The following TENM4 variants were observed in gnomAD, a reference collection of about 807,000 sequenced individuals.
TENM4 encodes teneurin transmembrane protein 4, also known as teneurin-4.
A neutral mutation model predicts 243.3 loss-of-function variants in TENM4; 82 were observed. That is an observed-to-expected ratio of 0.34 (90% confidence interval 0.28 to 0.40). The LOEUF (loss-of-function observed/expected upper bound fraction) is 0.40. TENM4 is among the 10% of genes least tolerant of loss of function. The pLI, the probability that TENM4 is intolerant of heterozygous loss-of-function variation, is 1.00. For missense variants in TENM4, 3,138 were observed against 3,673.3 expected, an observed-to-expected ratio of 0.85 and a Z score of 3.77; for synonymous variants, 1,412 against 1,456.3, an observed-to-expected ratio of 0.97 and a Z score of 0.69.
chr11:79,262,057 C>T (rs1855807635), intron 2 of TENM4, among the ~76,000 whole-genome samples: 1 of 152,154 alleles, frequency 6.6e-6, no homozygotes, highest in African/African-American at 2.4e-5. Flanking sequence ...AGATGGAAGA[C>T]AAAAGCCTCA....
intron 29 of TENM4, among the ~76,000 whole-genome samples, chr11:78,684,648 A>T (rs1232183555): frequency 6.6e-6 from 1 of 152,172 alleles, no homozygotes; most frequent in Middle Eastern, 3.2e-3. Flanking sequence ...GGTTCTATAG[A>T]GCCTGTTTGC....
chr11:78,730,553 A>G (rs977730510), intron 21 of TENM4, among the ~76,000 whole-genome samples: 1 of 152,178 alleles, frequency 6.6e-6, no homozygotes, highest in Non-Finnish European at 1.5e-5. Flanking sequence ...CGCTCAGGTC[A>G]CTTAGCTACT....
chr11:79,281,910 T>C (rs1329970245), intron 2 of TENM4, among the ~76,000 whole-genome samples: 1 of 152,240 alleles, frequency 6.6e-6, no homozygotes, highest in Non-Finnish European at 1.5e-5. Flanking sequence ...CTTGTGAATG[T>C]CTCTGAATGT....
chr11:79,419,466 A>C (rs1858885566), intron 1 of TENM4, among the ~76,000 whole-genome samples: 1 of 152,184 alleles, frequency 6.6e-6, no homozygotes, highest in African/African-American at 2.4e-5. Context: ...TCAGAAGGTA[A>C]CTGGGTGGCT....
At chr11:78,674,129 G>A (rs1264458254) in intron 30 of TENM4, among the ~76,000 whole-genome samples, 1 of 152,232 alleles carries the variant, frequency 6.6e-6, no homozygotes, top group Non-Finnish European at 1.5e-5. Context: ...AGGATCTCTA[G>A]TGAAGGGGAG....
chr11:79,066,594 GCA>G (rs969023919), intron 5 of TENM4, among the ~76,000 whole-genome samples: 5 of 151,434 alleles, frequency 3.3e-5, no homozygotes, highest in African/African-American at 9.7e-5. Flanking sequence ...ATGCACACAA[GCA>G]CACACGCGCG....
intron 3 of TENM4, among the ~76,000 whole-genome samples, chr11:79,165,270 G>A (rs937144604): frequency 1.4e-4 from 21 of 152,078 alleles, no homozygotes; most frequent in African/African-American, 5.1e-4. Context: ...CAGCATAAAA[G>A]TGTTCCCTTT....
At chr11:78,787,292 T>C (rs1378903668) in intron 15 of TENM4, among the ~76,000 whole-genome samples, 1 of 152,136 alleles carries the variant, frequency 6.6e-6, no homozygotes, top group African/African-American at 2.4e-5. Flanking sequence ...ACAATGACCC[T>C]CAGATGAGAA....
intron 14 of TENM4, among the ~76,000 whole-genome samples, chr11:78,810,824 G>C (rs1446951635): frequency 6.6e-6 from 1 of 152,192 alleles, no homozygotes; most frequent in Non-Finnish European, 1.5e-5. Flanking sequence ...AAATGGTTTA[G>C]AAGATCAGCT....
At position 78,727,413 on chromosome 11, in the gene TENM4, C is replaced by T. The variant is rs1005418818; in HGVS notation, c.3407-1191G>A. 7.1e-4 allele frequency among the ~76,000 whole-genome samples: 104 copies of T among 146,216 alleles called. 1 individual carries two copies. The highest frequency in any genetic ancestry group is 1.1e-3 in the South Asian group (5 of 4,694). ...AGTGAGCCACTGCATTCCATCCTGACGACAGAGCGAGACTCCGCCTCAAAA... is the reference window on the plus strand; with the variant it reads ...AGTGAGCCACTGCATTCCATCCTGATGACAGAGCGAGACTCCGCCTCAAAA... On this transcript the variant is annotated intron_variant, in intron 22 of 33. Transcript: ENST00000278550.
chr11:78,697,363 G>T (rs1309575685), intron 28 of TENM4, among the ~76,000 whole-genome samples: 1 of 152,156 alleles, frequency 6.6e-6, no homozygotes, highest in Non-Finnish European at 1.5e-5. Flanking sequence ...TTTGACCTCA[G>T]AGAAGGAGTT....
chr11:78,871,304 T>A (rs533241002), intron 9 of TENM4, among the ~76,000 whole-genome samples: 3 of 152,344 alleles, frequency 2.0e-5, no homozygotes, highest in Admixed American at 2.0e-4. Flanking sequence ...GAGCTCCTCA[T>A]GGAGCTTGGT....
chr11:79,216,906 T>C (rs1304305121), intron 2 of TENM4, among the ~76,000 whole-genome samples: 2 of 152,182 alleles, frequency 1.3e-5, no homozygotes, highest in Admixed American at 6.5e-5. Context: ...ATATACCACA[T>C]GGGAGGGTTG....
At position 78,903,494 on chromosome 11, in the gene TENM4, G is replaced by A. The variant is rs929500779; in HGVS notation, c.523C>T (p.Arg175Trp). Residue 175 changes from arginine (R) to tryptophan (W), a missense_variant, in exon 7 of 34, where the codon CGG becomes TGG. Arg to Trp is a moderately radical substitution (Grantham distance 101, BLOSUM62 -3). Around this residue, in one of 2 missense-constraint regions of TENM4, gnomAD observed 671 missense variants for 614.1 expected, o/e 1.09. Transcript: ENST00000278550. The stretch of plus-strand genomic sequence containing the variant: ...AGCGGCGGCGGCGGCGTCCGGAGCC[G>A]CGCGTGGTTCTGCAGGCCGCCCGGA... ...DHPGGLQNHA[R>W]LRTPPPPLSH... is the part of the protein sequence containing the mutation. 7 of 1,547,626 alleles carry A rather than the reference G, an allele frequency of 4.5e-6. No individual in the cohort carries two copies. The highest frequency in any genetic ancestry group is 4.4e-6 in the Non-Finnish European group (5 of 1,146,418).
chr11:79,068,106 G>A (rs868060373), intron 5 of TENM4: 11 of 152,164 alleles, frequency 7.2e-5, no homozygotes, highest in Admixed American at 6.5e-4. Context: ...TGTCACTTAC[G>A]GACAGGACGG....
chr11:78,703,042 A>G (rs1447929802), intron 27 of TENM4, among the ~76,000 whole-genome samples: 2 of 152,252 alleles, frequency 1.3e-5, no homozygotes, highest in Non-Finnish European at 2.9e-5. Flanking sequence ...GTTCTAGACC[A>G]GTGATTCTCA....
intron 4 of TENM4, chr11:79,097,267 T>C (rs6592825): frequency 0.86 from 131,043 of 152,188 alleles, 56,864 homozygotes; most frequent in Middle Eastern, 0.98. Context: ...GGAGTTAACC[T>C]TGTCGGAGAG....
At chr11:78,688,878 C>T (rs1185807968) in intron 28 of TENM4, among the ~76,000 whole-genome samples, 2 of 152,292 alleles carry the variant, frequency 1.3e-5, no homozygotes, top group Middle Eastern at 3.4e-3. Flanking sequence ...CAGCTTTGCT[C>T]AGGTATGGTC....
At chr11:79,296,985 A>G (rs530428071) in intron 2 of TENM4, among the ~76,000 whole-genome samples, 1 of 152,200 alleles carries the variant, frequency 6.6e-6, no homozygotes, top group Admixed American at 6.5e-5. Flanking sequence ...ACCCTGGGAA[A>G]AACAGTGTGA....
Sources: gnomAD v4.1 joint callset for allele counts (sites outside exome capture counted in the v4.1 genomes callset) on GRCh38, gnomAD v4.1.1 for gene constraint, gnomAD v4.1.1 regional missense constraint, MANE v1.5 for transcripts, NCBI Gene and HGNC (gene_info 2026-07-23, HGNC 2026-07-21) for gene names.